NTRK3: variants seen among roughly 807,000 people sequenced by gnomAD.
NTRK3 encodes neurotrophic receptor tyrosine kinase 3.
A neutral mutation model predicts 91.7 loss-of-function variants in NTRK3; 24 were observed. The observed-to-expected ratio is 0.26, with a 90% confidence interval of 0.19 to 0.37. NTRK3 has a LOEUF of 0.37. Ranked by LOEUF, NTRK3 falls within the 10% of genes least tolerant of loss-of-function variation. NTRK3 has a pLI of 1.00. For missense variants in NTRK3, 880 were observed against 1,068.9 expected (o/e 0.82, Z 2.46); for synonymous variants, 483 against 404.0 (o/e 1.20, Z -2.34).
intron 14 of NTRK3, among the ~76,000 whole-genome samples, chr15:88,022,410 G>A (rs150950690): frequency 4.3e-4 from 66 of 152,218 alleles, no homozygotes; most frequent in African/African-American, 1.6e-3. Flanking sequence ...TGTTTTACCT[G>A]GTTCAGAATT....
intron 10 of NTRK3, chr15:88,132,025 G>A (rs538175549): frequency 4.5e-5 from 9 of 200,102 alleles, no homozygotes; most frequent in South Asian, 3.8e-4. Flanking sequence ...TTCAAGAAGC[G>A]CCCCTTCTGT....
chr15:88,192,123 T>C (rs969974518), intron 3 of NTRK3, among the ~76,000 whole-genome samples: 4 of 152,364 alleles, frequency 2.6e-5, no homozygotes, highest in Non-Finnish European at 4.4e-5. Context: ...GCTGGCTTCC[T>C]GATCAATTCC....
chr15:87,969,205 G>C (rs941812332), intron 14 of NTRK3, among the ~76,000 whole-genome samples: 3 of 152,164 alleles, frequency 2.0e-5, no homozygotes, highest in Non-Finnish European at 2.9e-5. Flanking sequence ...AAACGGAGAT[G>C]CTTCCCACTC....
chr15:87,950,632 A>C (rs963558795), intron 14 of NTRK3, among the ~76,000 whole-genome samples: 1 of 152,220 alleles, frequency 6.6e-6, no homozygotes, highest in African/African-American at 2.4e-5. Flanking sequence ...AACCAGTCTC[A>C]AATGTTGTTT....
At chr15:88,063,081 T>G (rs976355525) in intron 13 of NTRK3, among the ~76,000 whole-genome samples, 3 of 152,242 alleles carry the variant, frequency 2.0e-5, no homozygotes, top group Non-Finnish European at 4.4e-5. Flanking sequence ...GCTCCATCCC[T>G]TGGACAGATT....
chr15:88,133,173 T>C (rs1275878765), intron 10 of NTRK3, among the ~76,000 whole-genome samples: 1 of 152,098 alleles, frequency 6.6e-6, no homozygotes, highest in Non-Finnish European at 1.5e-5. Context: ...ACCACTGGCC[T>C]GAGGAGCACT....
chr15:88,181,510 G>A (rs1285445982), intron 5 of NTRK3, among the ~76,000 whole-genome samples: 1 of 152,080 alleles, frequency 6.6e-6, no homozygotes, highest in Non-Finnish European at 1.5e-5. Flanking sequence ...GAGCTGCAGG[G>A]ACACCGTGCC....
chr15:88,138,207 T>A (rs971845587), intron 6 of NTRK3, among the ~76,000 whole-genome samples: 10 of 151,824 alleles, frequency 6.6e-5, no homozygotes, highest in African/African-American at 2.2e-4. Context: ...ATCGAGACCA[T>A]CCGGATTAAC....
intron 7 of NTRK3, among the ~76,000 whole-genome samples, chr15:88,137,155 G>A (rs2041953492): frequency 6.6e-6 from 1 of 152,214 alleles, no homozygotes. Flanking sequence ...CTGGTGTGAT[G>A]AGAAGGAGCA....
intron 3 of NTRK3, among the ~76,000 whole-genome samples, chr15:88,193,701 CG>C (rs2047592043): frequency 6.6e-6 from 1 of 152,188 alleles, no homozygotes; most frequent in African/African-American, 2.4e-5. Flanking sequence ...ACTTTCTACC[CG>C]GCCTCAACCT....
chr15:87,912,929 AAAAT>A (rs1203559023), intron 17 of NTRK3, among the ~76,000 whole-genome samples: 16 of 15,086 alleles, frequency 1.1e-3, no homozygotes, highest in African/African-American at 1.3e-3. Flanking sequence ...AAAGTAAAAA[AAAAT>A]ATATATATAT....
At chr15:88,135,789 A>G (rs2041818796) in intron 9 of NTRK3, 110 bp downstream of exon 9, 1 of 1,422,912 alleles carries the variant, frequency 7.0e-7, no homozygotes, top group South Asian at 1.2e-5. Flanking sequence ...CCCTACTGGT[A>G]GATCAGCTCA....
chr15:88,061,204 G>A (rs1420414296), intron 13 of NTRK3, among the ~76,000 whole-genome samples: 1 of 152,180 alleles, frequency 6.6e-6, no homozygotes, highest in Non-Finnish European at 1.5e-5. Flanking sequence ...TAATTCATTA[G>A]AGATGCTTTT....
chr15:88,057,239 G>A (rs191800075), intron 13 of NTRK3, among the ~76,000 whole-genome samples: 3 of 151,604 alleles, frequency 2.0e-5, no homozygotes, highest in Admixed American at 2.0e-4. Flanking sequence ...GCTCACACCT[G>A]TAATCCTGGT....
chr15:88,086,487 A>G (rs929287274), intron 13 of NTRK3, among the ~76,000 whole-genome samples: 3 of 146,474 alleles, frequency 2.0e-5, no homozygotes, highest in Non-Finnish European at 2.9e-5. Flanking sequence ...ATACATAATT[A>G]GAATTAATTT....
rs189779693 is a variant in NTRK3, at chr15:88,133,911, A to G, written c.1204+1190T>C. ...CAAGAATTTAGCTTAATGCAGCCAC[A>G]TTTCTCCGACTTTACTCTCAGGGCC... On this transcript the variant is annotated intron_variant, in intron 10 of 18. Coordinates refer to ENST00000394480, the Ensembl canonical transcript of NTRK3. 2.6e-5 allele frequency among the ~76,000 whole-genome samples: 4 copies of G among 152,236 alleles called. No individual in the cohort carries two copies. The East Asian group carries it at 7.7e-4, about 29-fold the overall frequency.
At chr15:87,925,083 C>T (rs569454805) in intron 17 of NTRK3, among the ~76,000 whole-genome samples, 1 of 152,146 alleles carries the variant, frequency 6.6e-6, no homozygotes, top group East Asian at 1.9e-4. Context: ...ATAATGGTAC[C>T]CAAAGCCTAC....
intron 3 of NTRK3, among the ~76,000 whole-genome samples, chr15:88,193,328 A>G (rs1233244280): frequency 6.6e-6 from 1 of 152,194 alleles, no homozygotes; most frequent in Non-Finnish European, 1.5e-5. Flanking sequence ...GCATAACTGC[A>G]GGGCACAGCA....
rs113302018 is a variant in NTRK3 at position 87,907,555 on chromosome 15, C to T, written c.2133+21636G>A. ...AATACTGTATATTAGAAACCAGAAGCTTCTCACTTCAAAACTGACTTAACT... is the reference window on the plus strand; with the variant it reads ...AATACTGTATATTAGAAACCAGAAGTTTCTCACTTCAAAACTGACTTAACT... On this transcript the variant is annotated intron_variant, in intron 17 of 18. Coordinates refer to ENST00000394480, the Ensembl canonical transcript of NTRK3. Among the ~76,000 whole-genome samples, 374 of 152,262 alleles carry T rather than the reference C, an allele frequency of 2.5e-3. 1 individual carries two copies. The highest frequency in any genetic ancestry group is 3.8e-3 in the Non-Finnish European group (259 of 68,026).
Sources: gnomAD v4.1 joint callset for allele counts (sites outside exome capture counted in the v4.1 genomes callset) on GRCh38, gnomAD v4.1.1 for gene constraint, MANE v1.5 for transcripts, NCBI Gene and HGNC (gene_info 2026-07-23, HGNC 2026-07-21) for gene names.